The following PLD5 variants were observed in gnomAD, a reference collection of about 807,000 sequenced individuals.
PLD5 encodes the protein inactive phospholipase D5.
A neutral mutation model predicts 61.1 loss-of-function variants in PLD5; 36 were observed. The observed-to-expected ratio is 0.59, with a 90% CI of 0.45 to 0.78. The LOEUF is 0.78. Among genes scored for constraint, PLD5 ranks in the 30% least tolerant of loss-of-function variants. The pLI is 0.00. For missense variants in PLD5, 515 were observed against 644.4 expected, an observed-to-expected ratio of 0.80 and a Z score of 2.17; for synonymous variants, 243 against 242.8, an observed-to-expected ratio of 1.00 and a Z score of -0.01.
intron 5 of PLD5, among the ~76,000 whole-genome samples, chr1:242,207,836 ATATATTTATATATATT>A (rs1558344028): frequency 1.3e-4 from 7 of 53,398 alleles, no homozygotes; most frequent in Non-Finnish European, 2.0e-4. Flanking sequence ...ATATATATTT[ATATATTTATATATATT>A]TATATATTTA....
intron 2 of PLD5, among the ~76,000 whole-genome samples, chr1:242,315,952 C>A (rs190435429): frequency 2.8e-4 from 43 of 152,278 alleles, no homozygotes; most frequent in African/African-American, 1.0e-3. Flanking sequence ...AAAGTATAAC[C>A]AGTGGCTTGG....
intron 1 of PLD5, among the ~76,000 whole-genome samples, chr1:242,464,028 G>A (rs6681547): frequency 0.64 from 96,905 of 151,876 alleles, 31,789 homozygotes; most frequent in African/African-American, 0.78. Context: ...TGGCCTCCAC[G>A]CTGCCAAGTC....
chr1:242,286,911 T>C (rs553265385), intron 3 of PLD5, among the ~76,000 whole-genome samples: 12 of 152,320 alleles, frequency 7.9e-5, no homozygotes, highest in Admixed American at 4.6e-4. Context: ...GTGTTTTGCA[T>C]GTAAAAGAGA....
intron 3 of PLD5, among the ~76,000 whole-genome samples, chr1:242,273,655 GA>G (rs1674242961): frequency 6.6e-6 from 1 of 152,174 alleles, no homozygotes; most frequent in African/African-American, 2.4e-5. Flanking sequence ...ACCTTATTTG[GA>G]AATAGGGTCT....
Position 242,136,119 on chromosome 1 carries a change from A to G in PLD5, c.736-11454T>C, listed in dbSNP as rs1574369410. Among the ~76,000 whole-genome samples the G allele has an allele frequency of 2.0e-5, 3 of 152,328 alleles. No individual in the cohort carries two copies. In the South Asian group the frequency reaches 6.2e-4, roughly 32 times the overall value. ...AGCTGTGACTCCTTTAACTTTGGCA[A>G]GTTCATTTCTGAAAATAGAAGTAGG... On this transcript the variant is annotated intron_variant, in intron 5 of 9. Transcript: ENST00000536534.
intron 5 of PLD5, among the ~76,000 whole-genome samples, chr1:242,132,760 A>G (rs1455504118): frequency 2.0e-5 from 3 of 152,106 alleles, no homozygotes; most frequent in Non-Finnish European, 4.4e-5. Context: ...CTTATTTTCC[A>G]TGTCTACCAC....
At chr1:242,109,999 C>CCTGAGG (rs1463078838) in intron 7 of PLD5, among the ~76,000 whole-genome samples, 1 of 149,880 alleles carries the variant, frequency 6.7e-6, no homozygotes, top group African/African-American at 2.4e-5. Flanking sequence ...AATGAATGTA[C>CCTGAGG]CTGAGGCTGA....
chr1:242,352,303 G>A (rs201703464), intron 1 of PLD5, among the ~76,000 whole-genome samples: 1 of 152,056 alleles, frequency 6.6e-6, no homozygotes, highest in Non-Finnish European at 1.5e-5. Flanking sequence ...GAGAACATGT[G>A]GTAATCTGCC....
intron 6 of PLD5, 115 bp from the exon 7 acceptor site, chr1:242,114,141 T>C (rs982146952): frequency 2.8e-5 from 32 of 1,128,482 alleles, no homozygotes; most frequent in Admixed American, 1.3e-4. Flanking sequence ...GCAAACCTAA[T>C]TTCTGCTTCA....
chr1:242,459,776 C>A lies in PLD5; in HGVS notation c.189+64312G>T, dbSNP rs112303622. On this transcript the variant is annotated intron_variant, in intron 1 of 9. Transcript: ENST00000536534. The stretch of plus-strand genomic sequence containing the variant: ...GGGAGGTTTCACATCACCAAGATTC[C>A]TATCCCAGAAAAGCAGATGTTCATA... 2.4e-4 allele frequency among the ~76,000 whole-genome samples: 37 copies of A among 152,274 alleles called. 1 individual carries two copies. Among genetic ancestry groups the A allele is most frequent in the African/African-American group, 8.9e-4 (37 of 41,556 alleles).
At chr1:242,451,750 G>A (rs1432311683) in intron 1 of PLD5, among the ~76,000 whole-genome samples, 5 of 151,974 alleles carry the variant, frequency 3.3e-5, no homozygotes, top group Admixed American at 1.3e-4. Flanking sequence ...TTGAGCCACC[G>A]CGCCCAGTCT....
intron 1 of PLD5, among the ~76,000 whole-genome samples, chr1:242,369,025 A>G (rs183520043): frequency 1.2e-4 from 18 of 152,330 alleles, no homozygotes; most frequent in African/African-American, 3.4e-4. Context: ...AGTCCTAACA[A>G]ATATGGGTAT....
chr1:242,158,281 G>A (rs946249941), intron 5 of PLD5, among the ~76,000 whole-genome samples: 2 of 152,080 alleles, frequency 1.3e-5, no homozygotes, highest in Non-Finnish European at 2.9e-5. Flanking sequence ...CAGACCACTT[G>A]GCTCCCTGGC....
intron 7 of PLD5, among the ~76,000 whole-genome samples, chr1:242,109,827 T>C (rs35458624): frequency 0.074 from 11,249 of 151,884 alleles, 516 homozygotes; most frequent in South Asian, 0.18. Flanking sequence ...TTTCACCTAG[T>C]GTCTGTAATA....
At chr1:242,493,167 T>C (rs1229231627) in intron 1 of PLD5, among the ~76,000 whole-genome samples, 1 of 152,218 alleles carries the variant, frequency 6.6e-6, no homozygotes, top group South Asian at 2.1e-4. Flanking sequence ...ATATATTCTA[T>C]TCAGAATGTC....
At chr1:242,150,019 T>G (rs1664818177) in intron 5 of PLD5, among the ~76,000 whole-genome samples, 1 of 151,814 alleles carries the variant, frequency 6.6e-6, no homozygotes, top group Non-Finnish European at 1.5e-5. Flanking sequence ...ACCAAAATTT[T>G]TGATATGCTC....
upstream of PLD5, among the ~76,000 whole-genome samples, chr1:242,524,884 A>G (rs568134052): frequency 6.8e-4 from 103 of 151,862 alleles, no homozygotes; most frequent in Middle Eastern, 6.8e-3. Flanking sequence ...CGAGCAGGCT[A>G]CACCTCTCCC....
intron 5 of PLD5, among the ~76,000 whole-genome samples, chr1:242,194,588 A>G (rs374100029): frequency 4.1e-5 from 3 of 72,718 alleles, no homozygotes; most frequent in African/African-American, 2.0e-4. Flanking sequence ...CTATCTATCT[A>G]TCTATCTATC....
At chr1:242,114,102 C>A in intron 6 of PLD5, 76 bp from the exon 7 acceptor site, 1 of 1,519,868 alleles carries the variant, frequency 6.6e-7, no homozygotes, top group Non-Finnish European at 8.9e-7. Context: ...CCTTTGTTTC[C>A]ACGGACCTTG....
Sources: gnomAD v4.1 joint callset for allele counts (sites outside exome capture counted in the v4.1 genomes callset) on GRCh38, gnomAD v4.1.1 for gene constraint, MANE v1.5 for transcripts, NCBI Gene and HGNC (gene_info 2026-07-23, HGNC 2026-07-21) for gene names.